The following GABRA3 variants were observed in gnomAD, a reference collection of about 807,000 sequenced individuals.
The protein encoded by GABRA3 is gamma-aminobutyric acid receptor subunit alpha-3.
Under a neutral mutation model 30.1 loss-of-function variants are expected in GABRA3, and 10 were observed. That is an observed-to-expected ratio of 0.33 (90% CI 0.20 to 0.56). The LOEUF (loss-of-function observed/expected upper bound fraction) is 0.56. Ranked by LOEUF, GABRA3 falls within the 20% of genes least tolerant of loss-of-function variation. The probability of loss-of-function intolerance (pLI) is 0.89; values close to 1 mark genes in which losing one functional copy is unlikely to be tolerated. For synonymous variants in GABRA3, 151 were observed against 146.8 expected, an observed-to-expected ratio of 1.03 and a Z score of -0.21; for missense variants, 233 against 392.0, an observed-to-expected ratio of 0.59 and a Z score of 3.42.
intron 1 of GABRA3, among the ~76,000 whole-genome samples, chrX:152,405,326 A>AAATGCAAG (rs1929903578): frequency 9.2e-6 from 1 of 108,447 alleles, no homozygotes; most frequent in Non-Finnish European, 1.9e-5. Context: ...AAAAAAAAAA[A>AAATGCAAG]AATGCAAGTC....
intron 1 of GABRA3, among the ~76,000 whole-genome samples, chrX:152,426,624 C>T (rs1265332173): frequency 8.9e-6 from 1 of 111,732 alleles, no homozygotes; most frequent in Non-Finnish European, 1.9e-5. Context: ...GGTATACCTC[C>T]GCTGTACTTT....
intron 3 of GABRA3, among the ~76,000 whole-genome samples, chrX:152,317,361 C>A (rs1374681016): frequency 9.0e-6 from 1 of 111,415 alleles, no homozygotes; most frequent in Non-Finnish European, 1.9e-5. Flanking sequence ...GATAGTAACA[C>A]AATAATAGTG....
intron 6 of GABRA3, among the ~76,000 whole-genome samples, chrX:152,221,689 C>A (rs181091939): frequency 1.8e-5 from 2 of 111,583 alleles, no homozygotes; most frequent in African/African-American, 6.5e-5. Flanking sequence ...CCTGTTTATC[C>A]TCTGCAAATT....
intron 6 of GABRA3, among the ~76,000 whole-genome samples, chrX:152,212,916 T>A (rs1428598212): frequency 9.0e-6 from 1 of 110,914 alleles, no homozygotes; most frequent in Non-Finnish European, 1.9e-5. Flanking sequence ...TTCTCTCCTA[T>A]AAAACTGCCC....
At chrX:152,194,291 G>A (rs2124351049) in intron 8 of GABRA3, among the ~76,000 whole-genome samples, 1 of 111,537 alleles carries the variant, frequency 9.0e-6, no homozygotes, top group East Asian at 2.8e-4. Flanking sequence ...ACATGATTAT[G>A]GGCATTTGTA....
At chrX:152,345,242 T>A (rs901984945) in intron 3 of GABRA3, among the ~76,000 whole-genome samples, 1 of 111,448 alleles carries the variant, frequency 9.0e-6, no homozygotes, top group African/African-American at 3.3e-5. Flanking sequence ...AAACCCATCA[T>A]AAGTTGGAAA....
At position 152,389,554 on chromosome X, in the gene GABRA3, A is replaced by C. The variant is rs187433754; in HGVS notation, c.-26-24958T>G. On this transcript the variant is annotated intron_variant, in intron 1 of 9. Transcript: ENST00000370314. ...AATCAGATGACAGCAGCTATATAAG[A>C]GGAGATAGCAATGATTCAAGAACAC... The C allele has an allele frequency of 1.7e-4, 19 of 111,689 alleles. No individual in the cohort carries two copies. In the Admixed American group the frequency reaches 1.7e-3, roughly 10 times the overall value. 9.2% of individuals were successfully genotyped at this position (111,689 alleles called of 1,213,427 possible). A position where few individuals can be genotyped will look rare whatever the true frequency, so the allele number is the denominator to read the frequency against.
rs950788958 is a variant in GABRA3, at chrX:152,273,126, A to G, written c.330+11542T>C. Among the ~76,000 whole-genome samples, 3 of 112,020 alleles carry G rather than the reference A, an allele frequency of 2.7e-5. No individual in the cohort carries two copies. In the South Asian group the frequency reaches 1.1e-3, roughly 41 times the overall value. ...AAATAATCCTGTTTTAAAATGGGCA[A>G]AAGATCTGAATAGACATTTTTCTAA... On this transcript the variant is annotated intron_variant, in intron 4 of 9. Coordinates refer to ENST00000370314, the MANE Select transcript of GABRA3 (RefSeq NM_000808.4).
At chrX:152,233,712 C>T (rs1201007895) in intron 5 of GABRA3, among the ~76,000 whole-genome samples, 9 of 105,524 alleles carry the variant, frequency 8.5e-5, no homozygotes, top group African/African-American at 1.0e-4. Context: ...ACCCAAAGGA[C>T]TATAAATCAT....
chrX:152,194,970 G>A (rs1937367003), intron 8 of GABRA3, among the ~76,000 whole-genome samples: 2 of 111,083 alleles, frequency 1.8e-5, no homozygotes. Context: ...ATGTTTCCCA[G>A]GCTGGTCTTG....
rs148109677 is a variant in GABRA3 at position 152,272,155 on chromosome X, T to A, written c.330+12513A>T. On this transcript the variant is annotated intron_variant, in intron 4 of 9. Coordinates refer to ENST00000370314, the MANE Select transcript of GABRA3 (RefSeq NM_000808.4). ...ATCCTGCAGACCCCAGAATGGTAGA[T>A]CCATGGACAGCTTACATCATGCACG... Among the ~76,000 whole-genome samples, 129 of 111,335 alleles carry A rather than the reference T, an allele frequency of 1.2e-3. No individual in the cohort carries two copies. The East Asian group carries it at 0.018, about 15-fold the overall frequency.
chrX:152,201,080 A>G (rs1937477893), intron 7 of GABRA3, among the ~76,000 whole-genome samples: 1 of 112,513 alleles, frequency 8.9e-6, no homozygotes, highest in Admixed American at 9.4e-5. Flanking sequence ...GAGTATTCAC[A>G]ACTTAGATCA....
chrX:152,243,539 A>G (rs1938416501), intron 5 of GABRA3, among the ~76,000 whole-genome samples: 1 of 112,047 alleles, frequency 8.9e-6, no homozygotes, highest in African/African-American at 3.2e-5. Flanking sequence ...CCATGAACCC[A>G]GCTTGTAGTA....
chrX:152,368,709 T>C (rs1462003371), intron 1 of GABRA3, among the ~76,000 whole-genome samples: 67 of 83,026 alleles, frequency 8.1e-4, no homozygotes, highest in Non-Finnish European at 1.4e-3. Flanking sequence ...TTCTTTTTTT[T>C]TTTTTTTTTT....
At chrX:152,180,463 G>A (rs1042804182) in intron 9 of GABRA3, among the ~76,000 whole-genome samples, 2 of 111,676 alleles carry the variant, frequency 1.8e-5, no homozygotes, top group Admixed American at 9.5e-5. Context: ...TTAGATGGTT[G>A]GTTTGCAAAT....
chrX:152,320,859 C>G (rs1379947394), intron 3 of GABRA3, among the ~76,000 whole-genome samples: 1 of 112,049 alleles, frequency 8.9e-6, no homozygotes, highest in Non-Finnish European at 1.9e-5. Flanking sequence ...GATCAAACTT[C>G]TCAGAGCTCC....
intron 2 of GABRA3, among the ~76,000 whole-genome samples, chrX:152,360,767 A>G (rs1490269392): frequency 9.8e-6 from 1 of 102,506 alleles, no homozygotes; most frequent in African/African-American, 3.6e-5. Context: ...AAAAAAAAAA[A>G]ATGTTTCTAA....
At chrX:152,439,025 C>T (rs1463235945) in intron 1 of GABRA3, among the ~76,000 whole-genome samples, 2 of 111,002 alleles carry the variant, frequency 1.8e-5, no homozygotes, top group Non-Finnish European at 3.8e-5. Flanking sequence ...AAATGCACCA[C>T]ATTAAAGACG....
At chrX:152,207,909 T>C (rs1383889111) in intron 7 of GABRA3, 92 bp downstream of exon 7, 1 of 812,464 alleles carries the variant, frequency 1.2e-6, no homozygotes, top group Middle Eastern at 3.0e-4. Flanking sequence ...CAACATTGTT[T>C]TGAAGATTAA....
Sources: allele counts gnomAD v4.1 joint callset (sites outside exome capture counted in the v4.1 genomes callset), GRCh38; gene constraint gnomAD v4.1.1; transcripts MANE v1.5; gene names NCBI Gene and HGNC (gene_info 2026-07-23, HGNC 2026-07-21).